GABRA3: variants seen among roughly 807,000 people sequenced by gnomAD.
GABRA3 encodes the protein gamma-aminobutyric acid receptor subunit alpha-3.
Under a neutral mutation model 30.1 loss-of-function variants are expected in GABRA3, and 10 were observed. That is an observed-to-expected ratio of 0.33 (90% CI 0.20 to 0.56). GABRA3 has a LOEUF of 0.56. GABRA3 is among the 20% of genes least tolerant of loss of function. GABRA3 has a pLI of 0.89. For synonymous variants in GABRA3, 151 were observed against 146.8 expected (o/e 1.03, Z -0.21); for missense variants, 233 against 392.0 (o/e 0.59, Z 3.42).
intron 5 of GABRA3, among the ~76,000 whole-genome samples, chrX:152,251,993 T>C (rs1938563137): frequency 9.0e-6 from 1 of 111,432 alleles, no homozygotes; most frequent in South Asian, 3.7e-4. Context: ...TATGAGAACT[T>C]GCTGTCAGCG....
chrX:152,222,496 A>G (rs867320704), intron 6 of GABRA3, among the ~76,000 whole-genome samples: 5 of 108,622 alleles, frequency 4.6e-5, no homozygotes, highest in Middle Eastern at 9.4e-3. Flanking sequence ...ATAGCATTCT[A>G]AAGTCCTTGT....
At chrX:152,366,708 T>C (rs1018864658) in intron 1 of GABRA3, among the ~76,000 whole-genome samples, 5 of 112,313 alleles carry the variant, frequency 4.5e-5, no homozygotes, top group Admixed American at 2.8e-4. Context: ...TGGAGGCAAA[T>C]ACAGTATATG....
intron 3 of GABRA3, among the ~76,000 whole-genome samples, chrX:152,323,734 T>C (rs931427699): frequency 4.5e-5 from 5 of 112,248 alleles, no homozygotes; most frequent in African/African-American, 1.6e-4. Flanking sequence ...ACACCAACCT[T>C]TTCTCTAATC....
intron 1 of GABRA3, among the ~76,000 whole-genome samples, chrX:152,442,893 A>G (rs1930971031): frequency 8.9e-6 from 1 of 112,165 alleles, no homozygotes; most frequent in South Asian, 3.6e-4. Flanking sequence ...CATAAGCAAT[A>G]AAAACTAAAA....
intron 2 of GABRA3, among the ~76,000 whole-genome samples, chrX:152,347,598 A>G (rs970288014): frequency 1.8e-5 from 2 of 111,265 alleles, no homozygotes; most frequent in African/African-American, 6.5e-5. Flanking sequence ...CCATAAATAT[A>G]TATACCTATG....
intron 5 of GABRA3, among the ~76,000 whole-genome samples, chrX:152,225,445 C>T: frequency 9.3e-6 from 1 of 107,491 alleles, no homozygotes; most frequent in South Asian, 4.2e-4. Context: ...CACACACACA[C>T]ACACACACAC....
intron 3 of GABRA3, among the ~76,000 whole-genome samples, chrX:152,328,410 A>C (rs749353912): frequency 8.0e-5 from 9 of 111,842 alleles, no homozygotes; most frequent in Non-Finnish European, 1.7e-4. Context: ...GGAGAATTTT[A>C]GACCATTATC....
intron 1 of GABRA3, among the ~76,000 whole-genome samples, chrX:152,443,147 CA>C (rs1930977629): frequency 9.0e-6 from 1 of 110,843 alleles, no homozygotes; most frequent in Non-Finnish European, 1.9e-5. Context: ...ATTGCCCATA[CA>C]AATTTAAAAA....
At chrX:152,433,138 A>C (rs984214518) in intron 1 of GABRA3, among the ~76,000 whole-genome samples, 6 of 111,250 alleles carry the variant, frequency 5.4e-5, no homozygotes, top group African/African-American at 2.0e-4. Flanking sequence ...AATGAAACTT[A>C]TTTTATTTGA....
chrX:152,394,462 C>G, intron 1 of GABRA3: 1 of 387,097 alleles, frequency 2.6e-6, no homozygotes, highest in Non-Finnish European at 5.2e-6. Context: ...GCAGCCACCA[C>G]AGGAGTCTGA....
intron 4 of GABRA3, among the ~76,000 whole-genome samples, chrX:152,274,277 T>C (rs1404653299): frequency 9.0e-6 from 1 of 111,255 alleles, no homozygotes; most frequent in Non-Finnish European, 1.9e-5. Context: ...CAATAATTTG[T>C]AAGTTTAAAA....
intron 6 of GABRA3, among the ~76,000 whole-genome samples, chrX:152,216,732 C>T (rs1937732578): frequency 9.1e-6 from 1 of 109,386 alleles, no homozygotes; most frequent in Admixed American, 9.9e-5. Context: ...GGAATAAGTT[C>T]TGGTGTGCTA....
chrX:152,180,579 G>C (rs1230337077), intron 9 of GABRA3, among the ~76,000 whole-genome samples: 1 of 111,979 alleles, frequency 8.9e-6, no homozygotes, highest in Non-Finnish European at 1.9e-5. Flanking sequence ...TTGTACTCTT[G>C]TTGCCTATGC....
At chrX:152,215,288 G>A (rs182526557) in intron 6 of GABRA3, among the ~76,000 whole-genome samples, 138 of 109,802 alleles carry the variant, frequency 1.3e-3, no homozygotes, top group South Asian at 3.1e-3. Flanking sequence ...TATGATGTTT[G>A]CTGTAGGTTT....
chrX:152,448,801 C>T (rs1206820523), intron 1 of GABRA3, among the ~76,000 whole-genome samples: 3 of 111,095 alleles, frequency 2.7e-5, no homozygotes, highest in African/African-American at 9.8e-5. Context: ...CGCCTATTGT[C>T]CGGATGCCAT....
intron 9 of GABRA3, 33 bp downstream of exon 9, chrX:152,189,697 G>A: frequency 9.3e-7 from 1 of 1,075,051 alleles, no homozygotes; most frequent in Non-Finnish European, 1.3e-6. Context: ...TCTCTCGGGG[G>A]TGCTTCTCAG....
intron 5 of GABRA3, among the ~76,000 whole-genome samples, chrX:152,230,878 T>A (rs1445463531): frequency 9.0e-6 from 1 of 110,585 alleles, no homozygotes; most frequent in African/African-American, 3.3e-5. Context: ...ATCTTTGTTA[T>A]CTTGAGTTGC....
chrX:152,201,329 TTGTG>T (rs1362246806), intron 7 of GABRA3, among the ~76,000 whole-genome samples: 1 of 103,438 alleles, frequency 9.7e-6, no homozygotes, highest in Non-Finnish European at 2.0e-5. Flanking sequence ...ACCACCTGTG[TTGTG>T]TGTGTTGTAT....
At chrX:152,251,102 C>T in intron 5 of GABRA3, 1 of 331,463 alleles carries the variant, frequency 3.0e-6, no homozygotes, top group Non-Finnish European at 6.0e-6. Context: ...GCCCACCTTC[C>T]TGGATCCAAG....
Sources: allele counts gnomAD v4.1 joint callset (sites outside exome capture counted in the v4.1 genomes callset), GRCh38; gene constraint gnomAD v4.1.1; transcripts MANE v1.5; gene names NCBI Gene and HGNC (gene_info 2026-07-23, HGNC 2026-07-21).